Variants in RAB11FIP2 observed in about 807,000 individuals in gnomAD.
The protein encoded by RAB11FIP2 is rab11 family-interacting protein 2.
RAB11FIP2 carries 16 observed loss-of-function variants against 40.9 expected under a neutral mutation model. That is an observed-to-expected ratio of 0.39 (90% CI 0.26 to 0.59). RAB11FIP2 has a LOEUF of 0.59. Ranked by LOEUF, RAB11FIP2 falls within the 20% of genes least tolerant of loss-of-function variation. The pLI is 0.53. For missense variants in RAB11FIP2, 532 were observed against 606.2 expected (o/e 0.88, Z 1.28); for synonymous variants, 228 against 213.7 (o/e 1.07, Z -0.58).
chr10:118,020,741 C>CA, intron 3 of RAB11FIP2, among the ~76,000 whole-genome samples: 1 of 152,224 alleles, frequency 6.6e-6, no homozygotes, highest in Non-Finnish European at 1.5e-5. Context: ...GACACCTCCC[C>CA]ACTAAACTTC....
chr10:118,041,519 T>C (rs1221064402), intron 1 of RAB11FIP2, among the ~76,000 whole-genome samples: 1 of 152,052 alleles, frequency 6.6e-6, no homozygotes, highest in Non-Finnish European at 1.5e-5. Flanking sequence ...AACTACAAAA[T>C]CAAGCCTGAA....
chr10:118,011,112 G>A (rs986859999), intron 4 of RAB11FIP2, among the ~76,000 whole-genome samples: 2 of 152,058 alleles, frequency 1.3e-5, no homozygotes, highest in Non-Finnish European at 2.9e-5. Flanking sequence ...ATTAGGTATA[G>A]GGCTATTGAA....
At chr10:118,020,275 G>A (rs1304867852) in intron 3 of RAB11FIP2, among the ~76,000 whole-genome samples, 1 of 152,188 alleles carries the variant, frequency 6.6e-6, no homozygotes, top group African/African-American at 2.4e-5. Flanking sequence ...TGAGCTCACT[G>A]TTGGCTGGTT....
intron 3 of RAB11FIP2, among the ~76,000 whole-genome samples, chr10:118,033,712 G>C (rs1846446263): frequency 6.6e-6 from 1 of 152,112 alleles, no homozygotes; most frequent in Non-Finnish European, 1.5e-5. Flanking sequence ...ACAAGCCTTA[G>C]AACGTTAGAA....
rs56666975 is a variant in RAB11FIP2 at position 118,014,041 on chromosome 10, T to A, written c.1311+1024A>T. Among the ~76,000 whole-genome samples, 2,201 of 152,184 alleles carry A rather than the reference T, an allele frequency of 0.014. 103 individuals carry two copies. In the East Asian group the frequency reaches 0.19, roughly 13 times the overall value. ...TAAAGACTTGAGAATTTATAAAACA[T>A]CAAAACTTACGAATCGTTTAAATAA... On this transcript the variant is annotated intron_variant, in intron 4 of 4. Coordinates refer to ENST00000355624, the MANE Select transcript of RAB11FIP2 (RefSeq NM_014904.3).
chr10:118,015,772 G>A (rs1846211928), intron 3 of RAB11FIP2, among the ~76,000 whole-genome samples: 2 of 152,168 alleles, frequency 1.3e-5, no homozygotes, highest in African/African-American at 4.8e-5. Context: ...ATGTCCATTA[G>A]ATGGGACTGC....
At chr10:118,041,252 G>GAA (rs890734091) in intron 1 of RAB11FIP2, among the ~76,000 whole-genome samples, 4 of 142,942 alleles carry the variant, frequency 2.8e-5, no homozygotes, top group South Asian at 2.2e-4. Context: ...TTTTCAAAAG[G>GAA]AAAAAAAAAA....
In RAB11FIP2 at chr10:118,040,431, G is replaced by A; in HGVS notation, c.488C>T (p.Pro163Leu). The A allele has an allele frequency of 1.2e-6, 2 of 1,613,710 alleles. No homozygotes were observed. The highest frequency in any genetic ancestry group is 1.7e-6 in the Non-Finnish European group (2 of 1,179,734). ...CATCTTATCTTTTAACTTTGCAAAAGGAGATCTGGTTTTGTCCTTCATTGA... is the reference window on the plus strand; with the variant it reads ...CATCTTATCTTTTAACTTTGCAAAAAGAGATCTGGTTTTGTCCTTCATTGA... ...DLSMKDKTRSPFAKLKDKMKG... is the reference protein window; with the variant it reads ...DLSMKDKTRSLFAKLKDKMKG... Residue 163 changes from proline to leucine, a missense_variant, in exon 2 of 5, where the codon CCT becomes CTT. Pro to Leu is a moderately conservative substitution (Grantham distance 98). Coordinates refer to ENST00000355624, the MANE Select transcript of RAB11FIP2 (RefSeq NM_014904.3).
Position 118,039,299 on chromosome 10 carries a change from T to C in RAB11FIP2, c.938A>G (p.Gln313Arg), listed in dbSNP as rs754295912. The C allele has an allele frequency of 1.9e-6, 3 of 1,613,744 alleles. No homozygotes were observed. Among genetic ancestry groups the C allele is most frequent in the South Asian group, 1.1e-5 (1 of 91,070 alleles). The change falls in exon 3 of 5, where the codon CAA becomes CGA. Residue 313 changes from glutamine to arginine, a missense_variant. By Grantham distance (43) the Gln-to-Arg change is conservative. Coordinates refer to ENST00000355624, the MANE Select transcript of RAB11FIP2 (RefSeq NM_014904.3). ...CTTCCTTGGCAGTGTTGCAAATTTT[T>C]GGGGTAATGAAGCAGTCACATTTGT... is the stretch of plus-strand genomic sequence containing the variant. ...PFTNVTASLPQKFATLPRKKN... is the reference protein window; with the variant it reads ...PFTNVTASLPRKFATLPRKKN...
rs938882174 is a variant in RAB11FIP2, at chr10:118,007,928, C to G, written c.*1070G>C. ...CAAGACCCAAAGGCAACCATCTGCT[C>G]TATTATTTATGTAACCTGAAACCAA... is the stretch of plus-strand genomic sequence containing the variant. On this transcript the variant is annotated 3_prime_UTR_variant, in exon 5 of 5. Coordinates refer to ENST00000355624, the MANE Select transcript of RAB11FIP2 (RefSeq NM_014904.3). The G allele has an allele frequency of 2.0e-5, 3 of 152,492 alleles. No homozygotes were observed. Among genetic ancestry groups the G allele is most frequent in the Non-Finnish European group, 4.4e-5 (3 of 67,984 alleles). The allele number at this position is 152,492 out of a possible 1,614,324, so 9.4% of individuals were successfully genotyped here.
chr10:118,041,108 T>C (rs1381724083), intron 1 of RAB11FIP2, among the ~76,000 whole-genome samples: 2 of 152,260 alleles, frequency 1.3e-5, no homozygotes, highest in Admixed American at 6.5e-5. Context: ...GATCATTGCA[T>C]ATAGCTTGCT....
chr10:118,019,853 G>A (rs1476201064), intron 3 of RAB11FIP2, among the ~76,000 whole-genome samples: 1 of 151,504 alleles, frequency 6.6e-6, no homozygotes, highest in Non-Finnish European at 1.5e-5. Context: ...AGAGACTTGG[G>A]GCTTCACTTT....
chr10:118,043,641 G>A lies in RAB11FIP2; in HGVS notation c.353+2170C>T, dbSNP rs2133185193. On this transcript the variant is annotated intron_variant, in intron 1 of 4. Transcript: ENST00000355624. ...TCATGACACAACTGGAAGACAAGCT[G>A]TAAATATATGTCTTCAGTGTCAAAA... The A allele has an allele frequency of 1.3e-5, 2 of 152,316 alleles. 1 individual carries two copies. The highest frequency in any genetic ancestry group is 4.1e-4 in the South Asian group (2 of 4,826). 9.4% of individuals were successfully genotyped at this position (152,316 alleles called of 1,614,324 possible).
chr10:118,018,618 A>T (rs2133166139), intron 3 of RAB11FIP2, among the ~76,000 whole-genome samples: 1 of 152,342 alleles, frequency 6.6e-6, no homozygotes, highest in South Asian at 2.1e-4. Flanking sequence ...AATATTAAAG[A>T]ATTTTCCCCA....
In RAB11FIP2 at chr10:118,038,978, G is replaced by T; in HGVS notation, c.1259C>A (p.Ser420Tyr). The stretch of plus-strand genomic sequence containing the variant: ...TCCCCCATATTAAGCTTACCTTGAA[G>T]ATGGCATTATATTTGAAGCCCTGAA... ...AKFRASNIMP[S>Y]SSFHMSPTSN... The change falls in exon 3 of 5, where the codon TCT becomes TAT. Residue 420 changes from serine to tyrosine, a missense_variant. Transcript: ENST00000355624. The T allele has an allele frequency of 6.3e-7, 1 of 1,582,620 alleles. No individual in the cohort carries two copies. The highest frequency in any genetic ancestry group is 1.7e-4 in the Middle Eastern group (1 of 5,910).
At chr10:118,029,418 C>T (rs2133174637) in intron 3 of RAB11FIP2, among the ~76,000 whole-genome samples, 1 of 152,288 alleles carries the variant, frequency 6.6e-6, no homozygotes, top group East Asian at 1.9e-4. Flanking sequence ...TCAACAGCTA[C>T]TTCATGATAG....
intron 3 of RAB11FIP2, among the ~76,000 whole-genome samples, chr10:118,021,957 A>G (rs1554906110): frequency 6.6e-6 from 1 of 152,196 alleles, no homozygotes; most frequent in Non-Finnish European, 1.5e-5. Flanking sequence ...AATCTTTTCA[A>G]CTACCAATCT....
intron 3 of RAB11FIP2, among the ~76,000 whole-genome samples, chr10:118,019,220 A>G (rs772210721): frequency 6.6e-6 from 1 of 152,202 alleles, no homozygotes; most frequent in Non-Finnish European, 1.5e-5. Flanking sequence ...CTTCCATAAT[A>G]TCTCTTTCCA....
intron 4 of RAB11FIP2, among the ~76,000 whole-genome samples, chr10:118,010,135 A>G (rs530098960): frequency 6.6e-6 from 1 of 152,292 alleles, no homozygotes; most frequent in South Asian, 2.1e-4. Flanking sequence ...AATTTAATCA[A>G]GGCCCTGTAA....
Sources: gnomAD v4.1 joint callset for allele counts (sites outside exome capture counted in the v4.1 genomes callset) on GRCh38, gnomAD v4.1.1 for gene constraint, MANE v1.5 for transcripts, NCBI Gene and HGNC (gene_info 2026-07-23, HGNC 2026-07-21) for gene names.